The following STRN3 variants were observed in gnomAD, a reference collection of about 807,000 sequenced individuals.
STRN3 encodes the protein striatin-3.
In STRN3, 29 loss-of-function variants were observed where a neutral mutation model predicts 95.6. That is an observed-to-expected ratio of 0.30 (90% CI 0.23 to 0.41). The LOEUF is 0.41. Ranked by LOEUF, STRN3 falls within the 10% of genes least tolerant of loss-of-function variation. The probability of loss-of-function intolerance (pLI) is 1.00; values close to 1 mark genes in which losing one functional copy is unlikely to be tolerated. For missense variants in STRN3, 890 were observed against 972.1 expected, an observed-to-expected ratio of 0.92 and a Z score of 1.12; for synonymous variants, 331 against 357.6, an observed-to-expected ratio of 0.93 and a Z score of 0.84.
At chr14:30,983,695 AG>A (rs1289906477) in intron 1 of STRN3, among the ~76,000 whole-genome samples, 4 of 152,248 alleles carry the variant, frequency 2.6e-5, no homozygotes, top group Non-Finnish European at 4.4e-5. Context: ...AATATTTAAG[AG>A]AGTTAAGAAA....
intron 1 of STRN3, among the ~76,000 whole-genome samples, chr14:30,986,273 G>A (rs1881688317): frequency 6.6e-6 from 1 of 152,104 alleles, no homozygotes; most frequent in Non-Finnish European, 1.5e-5. Context: ...CTGGCCTCCT[G>A]AAGTGTTCTA....
At position 30,935,279 on chromosome 14, in the gene STRN3, T is replaced by C. The variant is rs1382878926; in HGVS notation, c.872A>G (p.Asp291Gly). Reference protein sequence around the residue: ...HKIGNEGLAADLTDDPDTEEA... With the variant: ...HKIGNEGLAAGLTDDPDTEEA... ...CTCAGTATCAGGATCGTCAGTTAGG[T>C]CAGCAGCTAAACCTTCATTACCTAT... The change falls in exon 7 of 18, where the codon GAC becomes GGC. Residue 291 changes from aspartate to glycine, a missense_variant. By Grantham distance (94) the Asp-to-Gly change is moderately conservative. Around this residue, in one of 3 missense-constraint regions of STRN3, gnomAD observed 526 missense variants for 526.3 expected, o/e 1.00. Coordinates refer to ENST00000357479, the MANE Select transcript of STRN3 (RefSeq NM_001083893.2). The C allele has an allele frequency of 6.2e-7, 1 of 1,614,024 alleles. No individual in the cohort carries two copies. Among genetic ancestry groups the C allele is most frequent in the Admixed American group, 1.7e-5 (1 of 60,008 alleles).
At chr14:30,911,888 GA>G in intron 11 of STRN3, 64 bp from the exon 12 acceptor site, 1 of 1,561,988 alleles carries the variant, frequency 6.4e-7, no homozygotes, top group Non-Finnish European at 8.7e-7. Context: ...ATCACTGGTT[GA>G]TATTAAATAG....
chr14:30,989,712 C>T (rs1185448206), intron 1 of STRN3, among the ~76,000 whole-genome samples: 4 of 152,118 alleles, frequency 2.6e-5, no homozygotes, highest in African/African-American at 9.7e-5. Context: ...TCCGCCTCAG[C>T]CTCCCAAAGT....
In STRN3 at chr14:30,955,631, G is replaced by A. The variant is rs1484554988; in HGVS notation, c.449C>T (p.Thr150Ile). 2 of 1,572,820 alleles carry A rather than the reference G, an allele frequency of 1.3e-6. No homozygotes were observed. The highest frequency in any genetic ancestry group is 1.2e-5 in the South Asian group (1 of 82,940). The change falls in exon 3 of 18, where the codon ACC becomes ATC. Residue 150 changes from threonine to isoleucine, a missense_variant. Transcript: ENST00000357479. ...ELNQGDLKMP[T>I]FESEETKDTE... ...AGAAGCAAGTTTACCTGACTCAAAG[G>A]TTGGCATTTTCAAGTCACCTTGGTT...
chr14:30,907,113 A>G, intron 13 of STRN3, 69 bp from the exon 14 acceptor site: 1 of 1,545,952 alleles, frequency 6.5e-7, no homozygotes, highest in Admixed American at 2.0e-5. Context: ...TACATAAAGA[A>G]AACTTACCAT....
At position 30,905,404 on chromosome 14, in the gene STRN3, C is replaced by T; in HGVS notation, c.2029+14G>A. 6.3e-7 allele frequency: 1 copy of T among 1,585,620 alleles called. No individual in the cohort carries two copies. Among genetic ancestry groups the T allele is most frequent in the Non-Finnish European group, 8.5e-7 (1 of 1,170,460 alleles). ...CCCTTTTTAAGGTTTCAAAGAAACT[C>T]CATGAAAACTTACCAGAATCTACCT... On this transcript the variant is annotated intron_variant, in intron 15 of 17. Transcript: ENST00000357479.
At chr14:30,929,979 A>AAAAAAAAAT (rs1566441550) in intron 7 of STRN3, among the ~76,000 whole-genome samples, 2 of 147,388 alleles carry the variant, frequency 1.4e-5, no homozygotes, top group Non-Finnish European at 1.5e-5. Flanking sequence ...AAAAAAAAAA[A>AAAAAAAAAT]CTCAAATTCC....
intron 1 of STRN3, among the ~76,000 whole-genome samples, chr14:30,996,836 GGGC>G (rs1882220824): frequency 1.1e-5 from 1 of 89,640 alleles, no homozygotes; most frequent in African/African-American, 4.2e-5. Flanking sequence ...ACTGCACTCA[GGGC>G]TGGGTGACAG....
In STRN3 at chr14:31,026,120, C is replaced by G; in HGVS notation, c.66G>C (p.Gln22His). 1 of 1,506,190 alleles carries G rather than the reference C, an allele frequency of 6.6e-7. No homozygotes were observed. The highest frequency in any genetic ancestry group is 1.2e-5 in the South Asian group (1 of 80,428). 93.3% of individuals were successfully genotyped at this position (1,506,190 alleles called of 1,614,324 possible). A position where few individuals can be genotyped will look rare whatever the true frequency, so the allele number is the denominator to read the frequency against. The change falls in exon 1 of 18, where the codon CAG (glutamine) becomes CAC (histidine). Residue 22 changes from glutamine (Q) to histidine (H), a missense_variant. By Grantham distance (24) the Gln-to-His change is conservative. This residue lies in a region of STRN3 where 526 missense variants were observed against 526.3 expected (regional missense o/e 1.00). Coordinates refer to ENST00000357479, the MANE Select transcript of STRN3 (RefSeq NM_001083893.2). Reference protein sequence around the residue: ...PGMAAPPRQQQGPGGNLGLSP... With the variant: ...PGMAAPPRQQHGPGGNLGLSP... ...AAAGGCCCAGGTTCCCCCCAGGTCCCTGCTGCTGCCGGGGAGGGGCCGCCA... is the reference window on the plus strand; with the variant it reads ...AAAGGCCCAGGTTCCCCCCAGGTCCGTGCTGCTGCCGGGGAGGGGCCGCCA...
intron 1 of STRN3, among the ~76,000 whole-genome samples, chr14:31,001,494 C>T (rs768654092): frequency 7.9e-5 from 12 of 151,842 alleles, no homozygotes; most frequent in Non-Finnish European, 1.8e-4. Flanking sequence ...TATGATCCTG[C>T]CACTGCTACT....
At chr14:30,955,289 A>G (rs887206292) in intron 3 of STRN3, among the ~76,000 whole-genome samples, 3 of 152,224 alleles carry the variant, frequency 2.0e-5, no homozygotes, top group African/African-American at 7.2e-5. Context: ...CAAGTTCTAC[A>G]TACTTAATAT....
intron 1 of STRN3, among the ~76,000 whole-genome samples, chr14:30,982,355 T>G (rs1423943339): frequency 6.6e-6 from 1 of 152,174 alleles, no homozygotes; most frequent in Non-Finnish European, 1.5e-5. Context: ...TTGCCTAAGC[T>G]GGAGCACAGT....
At chr14:31,013,945 C>G (rs2139330881) in intron 1 of STRN3, among the ~76,000 whole-genome samples, 1 of 129,310 alleles carries the variant, frequency 7.7e-6, no homozygotes, top group East Asian at 2.0e-4. Flanking sequence ...GTCTATTGAC[C>G]AGACTAGAGT....
intron 13 of STRN3, 106 bp downstream of exon 13, chr14:30,910,935 T>A: frequency 8.0e-7 from 1 of 1,246,942 alleles, no homozygotes; most frequent in African/African-American, 1.5e-5. Context: ...AAGAACTAAA[T>A]GAGGTGACTA....
chr14:30,968,090 G>A (rs957099623), intron 1 of STRN3, among the ~76,000 whole-genome samples: 1 of 152,126 alleles, frequency 6.6e-6, no homozygotes, highest in African/African-American at 2.4e-5. Context: ...CCAATTCTAA[G>A]TTAATTTGGA....
At chr14:31,014,511 C>A (rs1222257998) in intron 1 of STRN3, 11 of 344,084 alleles carry the variant, frequency 3.2e-5, no homozygotes, top group Non-Finnish European at 5.1e-5. Flanking sequence ...TGAGCCACTG[C>A]GCCCGGCCAA....
chr14:30,994,018 C>T (rs1232121309), intron 1 of STRN3, among the ~76,000 whole-genome samples: 8 of 152,086 alleles, frequency 5.3e-5, no homozygotes, highest in African/African-American at 1.5e-4. Flanking sequence ...GCTGGGAATA[C>T]GGGCATGTGC....
At chr14:31,023,962 T>A (rs1883642301) in intron 1 of STRN3, among the ~76,000 whole-genome samples, 1 of 151,934 alleles carries the variant, frequency 6.6e-6, no homozygotes, top group Non-Finnish European at 1.5e-5. Context: ...GGATGGCTAA[T>A]AACAGTACTG....
Sources: gnomAD v4.1 joint callset for allele counts (sites outside exome capture counted in the v4.1 genomes callset) on GRCh38, gnomAD v4.1.1 for gene constraint, gnomAD v4.1.1 regional missense constraint, MANE v1.5 for transcripts, NCBI Gene and HGNC (gene_info 2026-07-23, HGNC 2026-07-21) for gene names.